Variants in PALD1 observed in about 807,000 individuals in gnomAD.
PALD1 encodes the protein paladin.
In PALD1, 57 loss-of-function variants were observed where a neutral mutation model predicts 96.0. That is an observed-to-expected ratio of 0.59 (90% CI 0.48 to 0.74). The LOEUF (loss-of-function observed/expected upper bound fraction) is 0.74, where lower values mean the gene tolerates loss of function less well. Ranked by LOEUF, PALD1 falls within the 30% of genes least tolerant of loss-of-function variation. The probability of loss-of-function intolerance (pLI) is 0.00; values close to 1 mark genes in which losing one functional copy is unlikely to be tolerated. For missense variants in PALD1, 1,063 were observed against 1,143.7 expected (o/e 0.93, Z 1.02); for synonymous variants, 464 against 473.6 (o/e 0.98, Z 0.26).
chr10:70,547,190 G>A, intron 17 of PALD1, 116 bp from the exon 18 acceptor site: 2 of 891,186 alleles, frequency 2.2e-6, no homozygotes, highest in Non-Finnish European at 1.8e-6. Context: ...AGGGCTCTCT[G>A]TTCAGCGCCT....
chr10:70,550,117 C>A (rs1847452078), intron 18 of PALD1, among the ~76,000 whole-genome samples: 1 of 152,162 alleles, frequency 6.6e-6, no homozygotes, highest in South Asian at 2.1e-4. Flanking sequence ...GAGGAGACAC[C>A]CTCTAGTTCA....
the PALD1 span, among the ~76,000 whole-genome samples, chr10:70,472,590 G>T: frequency 1.3e-5 from 2 of 152,162 alleles, no homozygotes; most frequent in Non-Finnish European, 2.9e-5. Context: ...GAGGGAGAGG[G>T]TGGGACGGAA....
intron 1 of PALD1, among the ~76,000 whole-genome samples, chr10:70,495,289 A>G (rs1846173748): frequency 6.6e-6 from 1 of 152,170 alleles, no homozygotes; most frequent in Non-Finnish European, 1.5e-5. Flanking sequence ...AGCCCACATC[A>G]CAATGTATAC....
intron 1 of PALD1, among the ~76,000 whole-genome samples, chr10:70,520,495 G>T (rs1846707938): frequency 6.6e-6 from 1 of 152,144 alleles, no homozygotes; most frequent in South Asian, 2.1e-4. Context: ...AGCTTCCCCT[G>T]GGCTTGAATA....
At chr10:70,519,472 C>G (rs1846684204) in intron 1 of PALD1, among the ~76,000 whole-genome samples, 1 of 152,120 alleles carries the variant, frequency 6.6e-6, no homozygotes, top group Non-Finnish European at 1.5e-5. Flanking sequence ...GGGCACTGAT[C>G]CCATTCCTGA....
intron 1 of PALD1, among the ~76,000 whole-genome samples, chr10:70,521,127 A>G (rs1445961846): frequency 2.0e-5 from 3 of 152,250 alleles, no homozygotes; most frequent in African/African-American, 7.2e-5. Flanking sequence ...CATGGGTGAG[A>G]TGGGTCCTGG....
At chr10:70,474,598 T>C (rs978055096), upstream of PALD1, among the ~76,000 whole-genome samples, 12 of 152,174 alleles carry the variant, frequency 7.9e-5, no homozygotes. Flanking sequence ...GCAGTAAGGC[T>C]AAGCATTTTT....
At chr10:70,500,660 G>A (rs535588893) in intron 1 of PALD1, among the ~76,000 whole-genome samples, 2 of 152,270 alleles carry the variant, frequency 1.3e-5, no homozygotes, top group African/African-American at 4.8e-5. Flanking sequence ...GTGCAGCTCG[G>A]TATAATGGGA....
chr10:70,495,605 C>T (rs978036437), intron 1 of PALD1, among the ~76,000 whole-genome samples: 2 of 152,190 alleles, frequency 1.3e-5, no homozygotes, highest in East Asian at 3.9e-4. Flanking sequence ...GCTTGTTGCA[C>T]AAGGAAGCTT....
chr10:70,465,411 G>A, the PALD1 span, among the ~76,000 whole-genome samples: 3 of 152,208 alleles, frequency 2.0e-5, no homozygotes, highest in Non-Finnish European at 4.4e-5. Context: ...GTGGCTGACA[G>A]TGGTACTGCT....
At chr10:70,475,809 G>A (rs973787455), upstream of PALD1, among the ~76,000 whole-genome samples, 70 of 152,184 alleles carry the variant, frequency 4.6e-4, no homozygotes, top group Non-Finnish European at 9.6e-4. Flanking sequence ...TGGGGCAGTG[G>A]ATGGCCACAG....
At chr10:70,498,945 G>A (rs1054832726) in intron 1 of PALD1, among the ~76,000 whole-genome samples, 3 of 151,722 alleles carry the variant, frequency 2.0e-5, no homozygotes, top group African/African-American at 7.3e-5. Flanking sequence ...AAAAAAAAAG[G>A]TATCATACGT....
chr10:70,555,990 G>C (rs1847601526), intron 18 of PALD1, among the ~76,000 whole-genome samples: 1 of 151,892 alleles, frequency 6.6e-6, no homozygotes, highest in Non-Finnish European at 1.5e-5. Flanking sequence ...GACAGAGTGA[G>C]ACTCCATCTC....
At chr10:70,488,725 C>G (rs1437206497) in intron 1 of PALD1, among the ~76,000 whole-genome samples, 1 of 152,104 alleles carries the variant, frequency 6.6e-6, no homozygotes, top group Non-Finnish European at 1.5e-5. Context: ...TGGGGCTTGG[C>G]GAGGCTTTGG....
At chr10:70,515,298 A>G (rs573617375) in intron 1 of PALD1, among the ~76,000 whole-genome samples, 65 of 152,250 alleles carry the variant, frequency 4.3e-4, no homozygotes, top group Non-Finnish European at 8.1e-4. Flanking sequence ...GGCCCAGAAC[A>G]GAGCTGGGGC....
At chr10:70,460,374 C>T in the PALD1 span, among the ~76,000 whole-genome samples, 1 of 152,178 alleles carries the variant, frequency 6.6e-6, no homozygotes, top group Non-Finnish European at 1.5e-5. Context: ...CTGCACCCAC[C>T]GGCCTACCGT....
At chr10:70,478,220 C>T (rs111487551), upstream of PALD1, among the ~76,000 whole-genome samples, 3 of 152,174 alleles carry the variant, frequency 2.0e-5, no homozygotes, top group Non-Finnish European at 4.4e-5. Context: ...TTGGGGGGAC[C>T]GTCTGCTGTT....
At chr10:70,552,848 G>GT (rs766144114) in intron 18 of PALD1, among the ~76,000 whole-genome samples, 40 of 152,314 alleles carry the variant, frequency 2.6e-4, no homozygotes, top group Non-Finnish European at 4.6e-4. Context: ...GTTGCATTTG[G>GT]TTGACGTGGC....
chr10:70,559,574 C>T (rs10762392), intron 18 of PALD1, among the ~76,000 whole-genome samples: 107,032 of 151,896 alleles, frequency 0.7, 37,763 homozygotes, highest in South Asian at 0.84. Flanking sequence ...TGTCTGGGAC[C>T]AGGGTGGTGA....
Sources: allele counts gnomAD v4.1 joint callset (sites outside exome capture counted in the v4.1 genomes callset), GRCh38; gene constraint gnomAD v4.1.1; transcripts MANE v1.5; gene names NCBI Gene and HGNC (gene_info 2026-07-23, HGNC 2026-07-21).